Variants in TMEM181 observed in about 807,000 individuals in gnomAD.
TMEM181 encodes the protein transmembrane protein 181, also known as G protein-coupled receptor 178.
Under a neutral mutation model 71.9 loss-of-function variants are expected in TMEM181, and 39 were observed. The ratio of observed to expected loss-of-function variants is 0.54; its 90% confidence interval spans 0.42 to 0.71. TMEM181 has a LOEUF of 0.71. Ranked by LOEUF, TMEM181 falls within the 30% of genes least tolerant of loss-of-function variation. The probability of loss-of-function intolerance (pLI) is 0.00; values close to 1 mark genes in which losing one functional copy is unlikely to be tolerated. For synonymous variants in TMEM181, 245 were observed against 228.8 expected (o/e 1.07, Z -0.64); for missense variants, 595 against 583.0 (o/e 1.02, Z -0.21).
At chr6:158,624,573 C>T (rs1371183311) in intron 11 of TMEM181, among the ~76,000 whole-genome samples, 1 of 152,254 alleles carries the variant, frequency 6.6e-6, no homozygotes, top group Non-Finnish European at 1.5e-5. Context: ...CTTTGGCTTG[C>T]TGTGACATTA....
intron 13 of TMEM181, among the ~76,000 whole-genome samples, chr6:158,627,608 G>GGGT (rs1302400970): frequency 2.2e-5 from 3 of 137,866 alleles, no homozygotes; most frequent in Non-Finnish European, 4.8e-5. Flanking sequence ...CCGCAGAACA[G>GGGT]GGCACCGGCA....
At chr6:158,603,291 G>T (rs749138327) in intron 6 of TMEM181, among the ~76,000 whole-genome samples, 6 of 152,186 alleles carry the variant, frequency 3.9e-5, no homozygotes, top group African/African-American at 7.2e-5. Flanking sequence ...GGTTGGGGAT[G>T]ATTTGGGGAC....
chr6:158,539,960 T>C (rs576789006), intron 1 of TMEM181, among the ~76,000 whole-genome samples: 4 of 152,340 alleles, frequency 2.6e-5, no homozygotes, highest in African/African-American at 9.6e-5. Flanking sequence ...CTAAAGATGT[T>C]TTCAGATACA....
exon 1 of TMEM181, chr6:158,536,642 C>T (rs1273507964): frequency 1.4e-6 from 2 of 1,460,332 alleles, no homozygotes; most frequent in South Asian, 1.3e-5. Context: ...AGCGCGCCAG[C>T]AGCCCGATCC....
intron 2 of TMEM181, among the ~76,000 whole-genome samples, chr6:158,580,027 A>G (rs1237536300): frequency 6.6e-6 from 1 of 152,040 alleles, no homozygotes; most frequent in African/African-American, 2.4e-5. Flanking sequence ...ACTGAACTGT[A>G]TGCTTAAAAA....
At chr6:158,575,543 C>T (rs1783109064) in intron 2 of TMEM181, among the ~76,000 whole-genome samples, 1 of 152,160 alleles carries the variant, frequency 6.6e-6, no homozygotes, top group South Asian at 2.1e-4. Context: ...GTCTCGAACT[C>T]CTGACCTCAG....
chr6:158,561,711 A>G (rs1782188269), intron 1 of TMEM181, among the ~76,000 whole-genome samples: 1 of 152,202 alleles, frequency 6.6e-6, no homozygotes, highest in African/African-American at 2.4e-5. Flanking sequence ...GAGGACAAGC[A>G]AAACGCAGCT....
In TMEM181 at chr6:158,544,897, T is replaced by C. The variant is rs528488953; in HGVS notation, c.131+8032T>C. On this transcript the variant is annotated intron_variant, in intron 1 of 16. Coordinates refer to the TMEM181 transcript ENST00000367090. Reference sequence around the variant, plus strand: ...CTTCCATAACTTAAAAAAATTAAATTACCCTAAATGTCTTCTGAACAAGCA... The same window carrying C: ...CTTCCATAACTTAAAAAAATTAAATCACCCTAAATGTCTTCTGAACAAGCA... Among the ~76,000 whole-genome samples, 195 of 152,316 alleles carry C rather than the reference T, an allele frequency of 1.3e-3. 2 individuals carry two copies. The highest frequency in any genetic ancestry group is 4.4e-3 in the African/African-American group (183 of 41,576).
intron 6 of TMEM181, among the ~76,000 whole-genome samples, chr6:158,601,758 G>C (rs1003156135): frequency 2.1e-5 from 2 of 96,074 alleles, no homozygotes; most frequent in South Asian, 6.9e-4. Context: ...GACTGTCTCA[G>C]AAAAAAAAAA....
intron 5 of TMEM181, among the ~76,000 whole-genome samples, chr6:158,589,193 AAG>A (rs1338998806): frequency 2.0e-5 from 3 of 152,196 alleles, no homozygotes; most frequent in Non-Finnish European, 4.4e-5. Flanking sequence ...ATGGAGAGGA[AAG>A]AGGGCTCCAT....
rs539413105 is a variant in TMEM181, at chr6:158,618,019, G to A, written c.897-5531G>A. On this transcript the variant is annotated intron_variant, in intron 10 of 16. Transcript: ENST00000684151. Reference sequence around the variant, plus strand: ...CTGCTTGGTGCAGAGCTGAGTTCAAGTCCCGGATATCCTTGTTAGCTTTCT... The same window carrying A: ...CTGCTTGGTGCAGAGCTGAGTTCAAATCCCGGATATCCTTGTTAGCTTTCT... Among the ~76,000 whole-genome samples, 7 of 152,288 alleles carry A rather than the reference G, an allele frequency of 4.6e-5. No individual in the cohort carries two copies. The East Asian group carries it at 1.2e-3, about 25-fold the overall frequency.
At position 158,608,336 on chromosome 6, in the gene TMEM181, C is replaced by T. The variant is rs752419674; in HGVS notation, c.677C>T (p.Pro226Leu). The T allele has an allele frequency of 9.3e-6, 15 of 1,614,076 alleles. No homozygotes were observed. Among genetic ancestry groups the T allele is most frequent in the East Asian group, 2.2e-5 (1 of 44,894 alleles). The change falls in exon 9 of 17, where the codon CCG becomes CTG. Residue 226 changes from proline to leucine, a missense_variant. Transcript: ENST00000684151. ...ATTTCTGCCCTTTGTGTTCCAGATC[C>T]GTTCTTCCCCCTCTCCTTCCTGGTC... Reference protein sequence around the residue: ...LLPLLLLYNDPFFPLSFLVNS... With the variant: ...LLPLLLLYNDLFFPLSFLVNS...
chr6:158,597,479 T>C (rs1784442635), intron 6 of TMEM181, among the ~76,000 whole-genome samples: 2 of 152,052 alleles, frequency 1.3e-5, no homozygotes, highest in South Asian at 4.2e-4. Context: ...GTGGAAGGGA[T>C]GGAAGGACAA....
chr6:158,622,822 CTTG>C (rs142908815), intron 10 of TMEM181, among the ~76,000 whole-genome samples: 5,657 of 152,164 alleles, frequency 0.037, 229 homozygotes, highest in East Asian at 0.096. Flanking sequence ...GAGGGGAGAC[CTTG>C]TTGTAGGAGT....
At chr6:158,615,699 A>G (rs1229549948) in intron 10 of TMEM181, among the ~76,000 whole-genome samples, 1 of 152,228 alleles carries the variant, frequency 6.6e-6, no homozygotes, top group East Asian at 1.9e-4. Flanking sequence ...AGCTTTCTAC[A>G]TATGGCTAGC....
At chr6:158,596,891 CG>C (rs1784415011) in intron 6 of TMEM181, among the ~76,000 whole-genome samples, 1 of 152,158 alleles carries the variant, frequency 6.6e-6, no homozygotes, top group Admixed American at 6.5e-5. Flanking sequence ...TGACCTCCCC[CG>C]GGTCCCTCCC....
chr6:158,634,155 GAAA>G lies in TMEM181; in HGVS notation c.*2272_*2274del, dbSNP rs923157088. On this transcript the variant is annotated 3_prime_UTR_variant, in exon 17 of 17. Transcript: ENST00000684151. ...CTTTTTGTAACTAAGTGGGAAATAA[GAAA>G]AAAAGTTAGAAAGTACTTAAGGGGA... is the stretch of plus-strand genomic sequence containing the variant. 3.4e-5 allele frequency: 5 copies of G among 146,850 alleles called. No homozygotes were observed. The highest frequency in any genetic ancestry group is 1.3e-4 in the Admixed American group (2 of 14,954). The allele number at this position is 146,850 out of a possible 1,614,324, so 9.1% of individuals were successfully genotyped here.
chr6:158,632,518 T>TTC lies in TMEM181; in HGVS notation c.*630_*631insTC, dbSNP rs1786719454. On this transcript the variant is annotated 3_prime_UTR_variant, in exon 17 of 17. Transcript: ENST00000684151. ...CTTCACGTCACCAAAGGGGAAGTAA[T>TTC]AGTGTGGAGTTCTGAGGAGGGTTTG... The TTC allele has an allele frequency of 1.3e-5, 2 of 152,934 alleles. No individual in the cohort carries two copies. Among genetic ancestry groups the TTC allele is most frequent in the East Asian group, 3.8e-4 (2 of 5,196 alleles). The allele number at this position is 152,934 out of a possible 1,614,324, so 9.5% of individuals were successfully genotyped here.
chr6:158,537,049 G>T (rs1466389659), intron 1 of TMEM181, among the ~76,000 whole-genome samples: 1 of 151,954 alleles, frequency 6.6e-6, no homozygotes, highest in Non-Finnish European at 1.5e-5. Flanking sequence ...GAAGGGGACG[G>T]GGAGCAGGGA....
Sources: allele counts gnomAD v4.1 joint callset (sites outside exome capture counted in the v4.1 genomes callset), GRCh38; gene constraint gnomAD v4.1.1; transcripts MANE v1.5; gene names NCBI Gene and HGNC (gene_info 2026-07-23, HGNC 2026-07-21).